TNFRSF19: variants seen among roughly 807,000 people sequenced by gnomAD.
TNFRSF19 encodes the protein tumor necrosis factor receptor superfamily member 19.
TNFRSF19 carries 27 observed loss-of-function variants against 46.4 expected under a neutral mutation model. The ratio of observed to expected loss-of-function variants is 0.58; its 90% CI spans 0.43 to 0.80. TNFRSF19 has a LOEUF of 0.80. TNFRSF19 is among the 30% of genes least tolerant of loss of function. TNFRSF19 has a pLI of 0.00. For synonymous variants in TNFRSF19, 204 were observed against 205.0 expected, an observed-to-expected ratio of 1.00 and a Z score of 0.04; for missense variants, 511 against 530.8, an observed-to-expected ratio of 0.96 and a Z score of 0.37.
intron 3 of TNFRSF19, among the ~76,000 whole-genome samples, chr13:23,607,558 G>A (rs1880597601): frequency 6.6e-6 from 1 of 152,102 alleles, no homozygotes; most frequent in East Asian, 1.9e-4. Context: ...TGAAAGCAGA[G>A]TAAACATAAA....
intron 3 of TNFRSF19, among the ~76,000 whole-genome samples, chr13:23,605,384 C>G (rs551598140): frequency 3.9e-4 from 59 of 152,254 alleles, no homozygotes; most frequent in African/African-American, 1.4e-3. Context: ...AATGGTACAG[C>G]CATTTGGAAG....
intron 7 of TNFRSF19, among the ~76,000 whole-genome samples, chr13:23,665,203 G>A (rs1308899853): frequency 1.3e-5 from 2 of 152,074 alleles, no homozygotes; most frequent in Non-Finnish European, 2.9e-5. Flanking sequence ...ATACAATACC[G>A]TGGACACTGT....
intron 7 of TNFRSF19, among the ~76,000 whole-genome samples, chr13:23,666,166 G>T (rs1951629190): frequency 6.6e-6 from 1 of 152,176 alleles, no homozygotes; most frequent in South Asian, 2.1e-4. Context: ...GGGGGTGTCT[G>T]CCAGGTTTCT....
At chr13:23,595,775 C>T (rs1185196848) in intron 3 of TNFRSF19, among the ~76,000 whole-genome samples, 4 of 152,120 alleles carry the variant, frequency 2.6e-5, no homozygotes, top group Non-Finnish European at 5.9e-5. Flanking sequence ...CAAAGATACT[C>T]CTCAAGACGA....
chr13:23,656,396 C>G (rs1883985803), intron 5 of TNFRSF19, among the ~76,000 whole-genome samples: 1 of 152,144 alleles, frequency 6.6e-6, no homozygotes, highest in Non-Finnish European at 1.5e-5. Context: ...AAGTTAGAGA[C>G]AGTTCCTTTT....
intron 5 of TNFRSF19, among the ~76,000 whole-genome samples, chr13:23,636,624 G>A (rs1882702043): frequency 6.6e-6 from 1 of 152,194 alleles, no homozygotes; most frequent in Admixed American, 6.5e-5. Context: ...CTGAGGGAAG[G>A]TTTATTAAGG....
At chr13:23,670,371 A>T (rs1951739438) in intron 9 of TNFRSF19, among the ~76,000 whole-genome samples, 1 of 152,186 alleles carries the variant, frequency 6.6e-6, no homozygotes, top group Non-Finnish European at 1.5e-5. Flanking sequence ...GATTCTATAG[A>T]CAAAACATTT....
chr13:23,629,061 A>T (rs932355955), intron 5 of TNFRSF19, among the ~76,000 whole-genome samples: 4 of 146,900 alleles, frequency 2.7e-5, no homozygotes, highest in Non-Finnish European at 6.0e-5. Context: ...AAGGCGCCTT[A>T]TGTTTTCATT....
At chr13:23,603,313 T>C (rs1880293915) in intron 3 of TNFRSF19, among the ~76,000 whole-genome samples, 2 of 152,074 alleles carry the variant, frequency 1.3e-5, no homozygotes, top group South Asian at 4.1e-4. Flanking sequence ...CTATATTGAC[T>C]GAAGAAATTG....
chr13:23,608,043 G>A (rs773116936), intron 3 of TNFRSF19, among the ~76,000 whole-genome samples: 2 of 152,076 alleles, frequency 1.3e-5, no homozygotes, highest in South Asian at 2.1e-4. Flanking sequence ...TTCTGGAATC[G>A]TATTCCTGGA....
At chr13:23,591,820 GT>G (rs1188403813) in intron 2 of TNFRSF19, among the ~76,000 whole-genome samples, 1 of 150,830 alleles carries the variant, frequency 6.6e-6, no homozygotes, top group Non-Finnish European at 1.5e-5. Context: ...CCGCTTCCCA[GT>G]TTCAAGTGAT....
chr13:23,673,400 A>C lies in TNFRSF19; in HGVS notation c.*20A>C. On this transcript the variant is annotated 3_prime_UTR_variant, in exon 10 of 10. Coordinates refer to ENST00000248484, the MANE Select transcript of TNFRSF19 (RefSeq NM_148957.4). The stretch of plus-strand genomic sequence containing the variant: ...GCTTAAAGAACCTGCTTCTTTCTGC[A>C]GTAGAAGCGTGTGCTGGAACCCAAA... 2.5e-6 allele frequency: 4 copies of C among 1,603,154 alleles called. No homozygotes were observed. Among genetic ancestry groups the C allele is most frequent in the Non-Finnish European group, 3.4e-6 (4 of 1,173,484 alleles).
At chr13:23,576,481 T>C (rs1169709549) in intron 1 of TNFRSF19, among the ~76,000 whole-genome samples, 2 of 152,124 alleles carry the variant, frequency 1.3e-5, no homozygotes, top group African/African-American at 4.8e-5. Context: ...GTGCCTGAGT[T>C]TTTGTTCAGA....
chr13:23,578,981 G>A (rs1878166637), intron 1 of TNFRSF19, among the ~76,000 whole-genome samples: 1 of 152,274 alleles, frequency 6.6e-6, no homozygotes, highest in Non-Finnish European at 1.5e-5. Context: ...GCGCAGCAGC[G>A]CAGACCTGGC....
intron 1 of TNFRSF19, among the ~76,000 whole-genome samples, chr13:23,581,461 C>G (rs1464213674): frequency 1.3e-5 from 2 of 152,134 alleles, no homozygotes; most frequent in Non-Finnish European, 2.9e-5. Flanking sequence ...TGTGCCTTTT[C>G]TATCCAGAAG....
At chr13:23,669,919 T>TGTAAAAG (rs1458237224) in intron 9 of TNFRSF19, among the ~76,000 whole-genome samples, 1 of 151,928 alleles carries the variant, frequency 6.6e-6, no homozygotes, top group Non-Finnish European at 1.5e-5. Context: ...AAGGGCAGAG[T>TGTAAAAG]CACAGCAACA....
At chr13:23,662,139 G>A in intron 7 of TNFRSF19, among the ~76,000 whole-genome samples, 1 of 152,112 alleles carries the variant, frequency 6.6e-6, no homozygotes, top group East Asian at 1.9e-4. Flanking sequence ...GTATTGCTTA[G>A]GTTTTCTTCC....
In TNFRSF19 at chr13:23,673,510, C is replaced by T. The variant is rs528641650; in HGVS notation, c.*130C>T. 5.8e-4 allele frequency: 782 copies of T among 1,359,542 alleles called. 3 individuals carry two copies. In the South Asian group the frequency reaches 9.2e-3, roughly 16 times the overall value. 84.2% of individuals were successfully genotyped at this position (1,359,542 alleles called of 1,614,324 possible). A position where few individuals can be genotyped will look rare whatever the true frequency, so the allele number is the denominator to read the frequency against. On this transcript the variant is annotated 3_prime_UTR_variant, in exon 10 of 10. Transcript: ENST00000248484. ...CAAAAATAAATCTGAACCAAACTGA[C>T]GGCATTTGAAGCCTTTCAGCCAGTT...
At chr13:23,672,774 G>A (rs1235093532) in intron 9 of TNFRSF19, among the ~76,000 whole-genome samples, 3 of 152,192 alleles carry the variant, frequency 2.0e-5, no homozygotes, top group South Asian at 4.1e-4. Context: ...AGTGCCCTTT[G>A]TGATGAGGAC....
Sources: allele counts gnomAD v4.1 joint callset (sites outside exome capture counted in the v4.1 genomes callset), GRCh38; gene constraint gnomAD v4.1.1; transcripts MANE v1.5; gene names NCBI Gene and HGNC (gene_info 2026-07-23, HGNC 2026-07-21).